Variants in RFX3 observed in about 807,000 individuals in gnomAD.
The protein encoded by RFX3 is transcription factor RFX3.
A neutral mutation model predicts 98.6 loss-of-function variants in RFX3; 14 were observed. That is an observed-to-expected ratio of 0.14 (90% CI 0.09 to 0.22). The LOEUF (loss-of-function observed/expected upper bound fraction) is 0.22, where lower values mean the gene tolerates loss of function less well. Ranked by LOEUF, RFX3 falls within the 10% of genes least tolerant of loss-of-function variation. RFX3 has a pLI of 1.00. For synonymous variants in RFX3, 383 were observed against 328.4 expected (o/e 1.17, Z -1.80); for missense variants, 639 against 926.9 (o/e 0.69, Z 4.03).
At chr9:3,514,462 G>C (rs2133863092) in intron 1 of RFX3, among the ~76,000 whole-genome samples, 2 of 151,560 alleles carry the variant, frequency 1.3e-5, no homozygotes, top group African/African-American at 4.9e-5. Context: ...GTTTTGTTTT[G>C]TTTTGCTTTG....
intron 4 of RFX3, among the ~76,000 whole-genome samples, chr9:3,316,291 T>C (rs559172936): frequency 2.0e-5 from 3 of 152,146 alleles, no homozygotes; most frequent in South Asian, 2.1e-4. Context: ...ATTATCTCAA[T>C]AGATGCAGAA....
intron 1 of RFX3, among the ~76,000 whole-genome samples, chr9:3,501,201 C>A (rs1479387581): frequency 6.6e-6 from 1 of 152,210 alleles, no homozygotes; most frequent in Non-Finnish European, 1.5e-5. Context: ...TTTGCTTCAT[C>A]TCCATTTACC....
chr9:3,432,402 T>C (rs945338030), intron 1 of RFX3, among the ~76,000 whole-genome samples: 7 of 152,156 alleles, frequency 4.6e-5, no homozygotes, highest in Non-Finnish European at 7.4e-5. Context: ...GAGAACGTCA[T>C]GAAAGTCTGA....
chr9:3,367,659 G>C (rs1365081464), intron 2 of RFX3, among the ~76,000 whole-genome samples: 2 of 152,152 alleles, frequency 1.3e-5, no homozygotes, highest in African/African-American at 4.8e-5. Context: ...CAGGGAAAAG[G>C]AAATACACTC....
At chr9:3,363,911 T>G (rs939851640) in intron 2 of RFX3, among the ~76,000 whole-genome samples, 1 of 152,270 alleles carries the variant, frequency 6.6e-6, no homozygotes, top group African/African-American at 2.4e-5. Flanking sequence ...AGTCTCACTT[T>G]GTCACCCAGG....
chr9:3,385,701 AAAAG>A (rs1239973617), intron 2 of RFX3, among the ~76,000 whole-genome samples: 2,944 of 93,444 alleles, frequency 0.032, 89 homozygotes, highest in African/African-American at 0.14. Context: ...AAAAAAAAAA[AAAAG>A]AAAAGAAAAG....
intron 1 of RFX3, among the ~76,000 whole-genome samples, chr9:3,500,626 C>T (rs976329406): frequency 2.6e-5 from 4 of 152,114 alleles, no homozygotes; most frequent in African/African-American, 9.7e-5. Context: ...AAAAATTTAA[C>T]TTGATTCCAT....
intron 2 of RFX3, among the ~76,000 whole-genome samples, chr9:3,349,203 T>C (rs865975598): frequency 6.6e-6 from 1 of 152,060 alleles, no homozygotes. Context: ...TTTTGGTTAC[T>C]GGAGATTTTA....
intron 2 of RFX3, among the ~76,000 whole-genome samples, chr9:3,361,902 G>A (rs528912354): frequency 2.0e-5 from 3 of 152,064 alleles, no homozygotes; most frequent in Non-Finnish European, 4.4e-5. Context: ...AGCCATGATT[G>A]TGCCACTGCA....
chr9:3,455,286 A>T (rs1232020817), intron 1 of RFX3, among the ~76,000 whole-genome samples: 1 of 152,174 alleles, frequency 6.6e-6, no homozygotes, highest in Non-Finnish European at 1.5e-5. Flanking sequence ...TTTCTTAAGC[A>T]CCATGCTTAC....
chr9:3,255,465 T>C (rs781730411), intron 14 of RFX3, among the ~76,000 whole-genome samples: 4 of 152,246 alleles, frequency 2.6e-5, no homozygotes, highest in Non-Finnish European at 4.4e-5. Flanking sequence ...CACCACTTTC[T>C]GATATGTGCA....
At chr9:3,465,379 C>G (rs1428108768) in intron 1 of RFX3, among the ~76,000 whole-genome samples, 1 of 152,062 alleles carries the variant, frequency 6.6e-6, no homozygotes, top group Non-Finnish European at 1.5e-5. Context: ...CAACCTCCAC[C>G]TCCTGAGTTC....
At chr9:3,431,297 G>C (rs1364748379) in intron 1 of RFX3, among the ~76,000 whole-genome samples, 1 of 152,120 alleles carries the variant, frequency 6.6e-6, no homozygotes, top group African/African-American at 2.4e-5. Context: ...ATATGAAGCA[G>C]CACTAGTGAT....
intron 4 of RFX3, among the ~76,000 whole-genome samples, chr9:3,326,400 G>A (rs1831922318): frequency 1.3e-5 from 2 of 151,936 alleles, no homozygotes. Flanking sequence ...TAAATGTGTG[G>A]CATGGGGATT....
intron 12 of RFX3, 58 bp downstream of exon 12, chr9:3,266,150 T>C: frequency 9.9e-7 from 1 of 1,011,318 alleles, no homozygotes; most frequent in East Asian, 2.4e-5. Flanking sequence ...AGATGTAAAG[T>C]TCACAATTCA....
At chr9:3,285,136 T>C (rs1826410283) in intron 7 of RFX3, among the ~76,000 whole-genome samples, 1 of 151,948 alleles carries the variant, frequency 6.6e-6, no homozygotes, top group South Asian at 2.1e-4. Flanking sequence ...CTGCATAGAC[T>C]TGCATTTCTT....
chr9:3,424,447 CG>C (rs1218151668), intron 1 of RFX3, among the ~76,000 whole-genome samples: 1 of 146,666 alleles, frequency 6.8e-6, no homozygotes, highest in Non-Finnish European at 1.5e-5. Flanking sequence ...CTGCAAGCTC[CG>C]CCTCCCGGGT....
In RFX3 at chr9:3,495,425, G is replaced by A. The variant is rs189959604; in HGVS notation, c.-9+30322C>T. On this transcript the variant is annotated intron_variant, in intron 1 of 16. Transcript: ENST00000617270. ...TATTCATTGATGTAAAAAAATGGCA[G>A]CTATCAATAGAATATATTTTAACTC... Among the ~76,000 whole-genome samples, 4 of 152,026 alleles carry A rather than the reference G, an allele frequency of 2.6e-5. No homozygotes were observed. The East Asian group carries it at 5.8e-4, about 22-fold the overall frequency.
At chr9:3,301,519 A>C in intron 5 of RFX3, 27 bp downstream of exon 5, 24 of 1,479,144 alleles carry the variant, frequency 1.6e-5, no homozygotes, top group Non-Finnish European at 2.3e-5. Context: ...GCAAGAGATT[A>C]GTGTACATGA....
Sources: gnomAD v4.1 joint callset for allele counts (sites outside exome capture counted in the v4.1 genomes callset) on GRCh38, gnomAD v4.1.1 for gene constraint, MANE v1.5 for transcripts, NCBI Gene and HGNC (gene_info 2026-07-23, HGNC 2026-07-21) for gene names.